CSGALNACT1: variants seen among roughly 807,000 people sequenced by gnomAD.
The protein encoded by CSGALNACT1 is beta4GalNAcT-1.
A neutral mutation model predicts 51.0 loss-of-function variants in CSGALNACT1; 52 were observed. The observed-to-expected ratio is 1.02, with a 90% CI of 0.82 to 1.29. The LOEUF (loss-of-function observed/expected upper bound fraction) is 1.29, where lower values mean the gene tolerates loss of function less well. Ranked by LOEUF, CSGALNACT1 falls within the 50% of genes most tolerant of loss-of-function variation. The pLI is 0.00. For synonymous variants in CSGALNACT1, 341 were observed against 254.4 expected (o/e 1.34, Z -3.24); for missense variants, 935 against 679.2 (o/e 1.38, Z -4.19).
chr8:19,573,214 T>C (rs910440134), intron 3 of CSGALNACT1, among the ~76,000 whole-genome samples: 5 of 152,224 alleles, frequency 3.3e-5, no homozygotes, highest in Admixed American at 6.5e-5. Flanking sequence ...AATTAGCCCT[T>C]ACCCACTTCT....
chr8:19,423,675 T>A lies in CSGALNACT1; in HGVS notation c.954-3157A>T, dbSNP rs535841382. 1.1e-4 allele frequency among the ~76,000 whole-genome samples: 16 copies of A among 152,212 alleles called. No individual in the cohort carries two copies. The East Asian group carries it at 1.7e-3, about 17-fold the overall frequency. Reference sequence around the variant, plus strand: ...TTTTTTTTAAGCCTTAAAATGTAAATCCCTATGCTTCCATGATGTGTTGCT... The same window carrying A: ...TTTTTTTTAAGCCTTAAAATGTAAAACCCTATGCTTCCATGATGTGTTGCT... On this transcript the variant is annotated intron_variant, in intron 6 of 9. Transcript: ENST00000454498.
intron 1 of CSGALNACT1, among the ~76,000 whole-genome samples, chr8:19,608,337 T>C (rs1410609107): frequency 3.3e-5 from 5 of 152,212 alleles, no homozygotes; most frequent in East Asian, 3.9e-4. Context: ...GAAGTAGCGG[T>C]ATGGGGAGGG....
At chr8:19,560,768 G>A (rs2040529273) in intron 3 of CSGALNACT1, among the ~76,000 whole-genome samples, 1 of 152,216 alleles carries the variant, frequency 6.6e-6, no homozygotes, top group Non-Finnish European at 1.5e-5. Flanking sequence ...CAGATGCAGA[G>A]ATGCGTATTC....
At chr8:19,666,796 A>G (rs1237509226) in intron 1 of CSGALNACT1, among the ~76,000 whole-genome samples, 1 of 22,038 alleles carries the variant, frequency 4.5e-5, no homozygotes, top group African/African-American at 3.2e-4. Context: ...AGAAAGAAAG[A>G]AAGAAAGAAA....
At chr8:19,474,946 T>G (rs1281091801) in intron 4 of CSGALNACT1, among the ~76,000 whole-genome samples, 2 of 130,422 alleles carry the variant, frequency 1.5e-5, no homozygotes, top group Non-Finnish European at 3.3e-5. Context: ...CAAAGATGAA[T>G]AAAAACATAG....
At chr8:19,611,260 G>A (rs569778751) in intron 1 of CSGALNACT1, among the ~76,000 whole-genome samples, 1 of 152,296 alleles carries the variant, frequency 6.6e-6, no homozygotes, top group South Asian at 2.1e-4. Context: ...TAAAGACTGT[G>A]CCTAGTTAAC....
chr8:19,424,160 C>G lies in CSGALNACT1; in HGVS notation c.954-3642G>C, dbSNP rs1170450527. Among the ~76,000 whole-genome samples, 6 of 152,258 alleles carry G rather than the reference C, an allele frequency of 3.9e-5. No individual in the cohort carries two copies. The East Asian group carries it at 9.7e-4, about 25-fold the overall frequency. On this transcript the variant is annotated intron_variant, in intron 6 of 9. Coordinates refer to ENST00000454498, the Ensembl canonical transcript of CSGALNACT1. ...CACTCACCAGGTCCTGATGAGAGAG[C>G]TGAACATGAGTGTGCACAGAAGGCA...
At chr8:19,632,885 G>A (rs1236400366) in intron 1 of CSGALNACT1, among the ~76,000 whole-genome samples, 3 of 151,370 alleles carry the variant, frequency 2.0e-5, no homozygotes, top group Non-Finnish European at 4.4e-5. Context: ...CTCTCAAGTA[G>A]CTGGGACTAC....
At chr8:19,444,452 G>A (rs775917593) in intron 5 of CSGALNACT1, among the ~76,000 whole-genome samples, 12 of 152,188 alleles carry the variant, frequency 7.9e-5, no homozygotes, top group Non-Finnish European at 1.5e-4. Context: ...GTGTATGTGT[G>A]TAATTTTAAC....
intron 3 of CSGALNACT1, among the ~76,000 whole-genome samples, chr8:19,563,237 T>C (rs2041172979): frequency 6.6e-6 from 1 of 151,962 alleles, no homozygotes; most frequent in African/African-American, 2.4e-5. Flanking sequence ...TGAGAACATA[T>C]GGACACAGGG....
At chr8:19,583,580 AT>A (rs2046027057) in intron 3 of CSGALNACT1, among the ~76,000 whole-genome samples, 2 of 152,184 alleles carry the variant, frequency 1.3e-5, no homozygotes, top group Non-Finnish European at 2.9e-5. Context: ...AAATCTCAGT[AT>A]TTTCTACTAA....
rs1221012472 is a variant in CSGALNACT1, at chr8:19,757,319, G to A, written c.-297+531C>T. Reference sequence around the variant, plus strand: ...GCCGCGGAGCCTCCAGGGACCCCGGGGGCGGGGAGCAGCGGCGGCGGCGGC... The same window carrying A: ...GCCGCGGAGCCTCCAGGGACCCCGGAGGCGGGGAGCAGCGGCGGCGGCGGC... On this transcript the variant is annotated intron_variant, in intron 1 of 1. Transcript: ENST00000517494. This position sits in a 1 kb window ranked among gnomAD's most constrained non-coding sequence, Gnocchi z 4.0. The A allele has an allele frequency of 1.3e-5, 2 of 150,776 alleles. No homozygotes were observed. The highest frequency in any genetic ancestry group is 1.8e-4 in the South Asian group (1 of 5,668). 9.3% of individuals were successfully genotyped at this position (150,776 alleles called of 1,614,324 possible).
intron 3 of CSGALNACT1, among the ~76,000 whole-genome samples, chr8:19,579,928 G>C (rs76423573): frequency 6.6e-6 from 1 of 152,340 alleles, no homozygotes; most frequent in African/African-American, 2.4e-5. Flanking sequence ...GAAGGGAAAG[G>C]ACAGAAAGGA....
chr8:19,616,807 T>C (rs1208264054), intron 1 of CSGALNACT1, among the ~76,000 whole-genome samples: 4 of 152,168 alleles, frequency 2.6e-5, no homozygotes, highest in Non-Finnish European at 5.9e-5. Flanking sequence ...GCCATCCACG[T>C]ACAATCAGCA....
chr8:19,642,610 A>T (rs1358810205), intron 1 of CSGALNACT1, among the ~76,000 whole-genome samples: 1 of 151,978 alleles, frequency 6.6e-6, no homozygotes, highest in African/African-American at 2.4e-5. Flanking sequence ...TTCTCTACAA[A>T]AACAAAACAA....
At chr8:19,539,473 A>G (rs913175586) in intron 3 of CSGALNACT1, among the ~76,000 whole-genome samples, 5 of 152,240 alleles carry the variant, frequency 3.3e-5, no homozygotes, top group African/African-American at 1.2e-4. Context: ...GGCCTGGCAT[A>G]TAGAAAGCAC....
intron 9 of CSGALNACT1, among the ~76,000 whole-genome samples, chr8:19,407,811 TGC>T (rs2054587146): frequency 1.3e-5 from 2 of 149,432 alleles, no homozygotes; most frequent in African/African-American, 5.1e-5. Flanking sequence ...ATGAATTGTG[TGC>T]GCATGTGGAC....
intron 3 of CSGALNACT1, among the ~76,000 whole-genome samples, chr8:19,511,858 C>T (rs960382026): frequency 1.3e-5 from 2 of 152,164 alleles, no homozygotes; most frequent in African/African-American, 2.4e-5. Context: ...GAAGGGAAAC[C>T]AAGCATATCT....
At chr8:19,615,675 A>G (rs1364578108) in intron 1 of CSGALNACT1, among the ~76,000 whole-genome samples, 1 of 152,262 alleles carries the variant, frequency 6.6e-6, no homozygotes, top group Non-Finnish European at 1.5e-5. Flanking sequence ...AACAAAGACA[A>G]AGATTTTCAA....
Sources: gnomAD v4.1 joint callset for allele counts (sites outside exome capture counted in the v4.1 genomes callset) on GRCh38, gnomAD v4.1.1 for gene constraint, Gnocchi (gnomAD v3.1) non-coding constraint, MANE v1.5 for transcripts, NCBI Gene and HGNC (gene_info 2026-07-23, HGNC 2026-07-21) for gene names.